The following PLCG2 variants were observed in gnomAD, a reference collection of about 807,000 sequenced individuals.
PLCG2 encodes phospholipase C gamma 2.
In PLCG2, 69 loss-of-function variants were observed where a neutral mutation model predicts 175.6. The ratio of observed to expected loss-of-function variants is 0.39; its 90% CI spans 0.32 to 0.48. PLCG2 has a LOEUF of 0.48. Ranked by LOEUF, PLCG2 falls within the 20% of genes least tolerant of loss-of-function variation. The pLI is 0.91. For missense variants in PLCG2, 1,798 were observed against 1,650.9 expected (o/e 1.09, Z -1.54); for synonymous variants, 827 against 624.0 (o/e 1.33, Z -4.85).
chr16:81,909,175 G>A (rs1410362306), intron 17 of PLCG2, among the ~76,000 whole-genome samples: 5 of 152,220 alleles, frequency 3.3e-5, no homozygotes, highest in African/African-American at 7.2e-5. Context: ...GGACACTAGC[G>A]TCTTTTGAAG....
intron 2 of PLCG2, among the ~76,000 whole-genome samples, chr16:81,850,721 C>G (rs1007315943): frequency 6.6e-6 from 1 of 152,142 alleles, no homozygotes; most frequent in Admixed American, 6.5e-5. Context: ...ACTTCTGGCA[C>G]CTGCACAGTG....
At chr16:81,836,103 C>G (rs1905502356) in intron 2 of PLCG2, among the ~76,000 whole-genome samples, 1 of 152,170 alleles carries the variant, frequency 6.6e-6, no homozygotes. Context: ...TACTTTCTTT[C>G]CAGGGCCACC....
intron 2 of PLCG2, among the ~76,000 whole-genome samples, chr16:81,843,112 G>A (rs1365301243): frequency 6.6e-6 from 1 of 152,076 alleles, no homozygotes; most frequent in Non-Finnish European, 1.5e-5. Flanking sequence ...CAGGAAACTC[G>A]GCCACTGAGC....
chr16:81,877,941 C>T (rs377602975), intron 7 of PLCG2, among the ~76,000 whole-genome samples: 5 of 144,030 alleles, frequency 3.5e-5, no homozygotes, highest in African/African-American at 1.3e-4. Flanking sequence ...CTGTGTGCTT[C>T]TCTGTCTCCA....
At chr16:81,782,509 G>A (rs990129950) in intron 1 of PLCG2, among the ~76,000 whole-genome samples, 3 of 152,210 alleles carry the variant, frequency 2.0e-5, no homozygotes, top group Admixed American at 1.3e-4. Context: ...ATAAAGCGTG[G>A]AACGCTGGAG....
intron 2 of PLCG2, among the ~76,000 whole-genome samples, chr16:81,805,122 C>G (rs981672672): frequency 2.6e-5 from 4 of 152,100 alleles, no homozygotes; most frequent in East Asian, 1.9e-4. Flanking sequence ...AAGAGGTTAA[C>G]AAGACAAGCC....
chr16:81,778,028 A>C (rs1384692815), upstream of PLCG2, among the ~76,000 whole-genome samples: 3 of 63,658 alleles, frequency 4.7e-5, no homozygotes, highest in African/African-American at 2.5e-4. Context: ...AAAAAAAAAA[A>C]AAACAAAAAA....
intron 2 of PLCG2, among the ~76,000 whole-genome samples, chr16:81,757,768 T>C (rs1006471665): frequency 6.6e-6 from 1 of 151,982 alleles, no homozygotes; most frequent in Non-Finnish European, 1.5e-5. Context: ...TTTGAAACTT[T>C]TCATCACCCC....
At chr16:81,955,519 T>C (rs1388286154) in intron 31 of PLCG2, among the ~76,000 whole-genome samples, 1 of 152,168 alleles carries the variant, frequency 6.6e-6, no homozygotes, top group Non-Finnish European at 1.5e-5. Context: ...TGTCTTTTTT[T>C]CTCCCCTAGC....
intron 2 of PLCG2, among the ~76,000 whole-genome samples, chr16:81,830,194 T>C (rs36085277): frequency 0.43 from 64,572 of 151,434 alleles, 15,636 homozygotes; most frequent in African/African-American, 0.68. Flanking sequence ...TTGGCACGCA[T>C]CTGTGGTCCC....
intron 1 of PLCG2, among the ~76,000 whole-genome samples, chr16:81,741,976 C>T (rs1030083322): frequency 1.8e-4 from 27 of 152,130 alleles, no homozygotes; most frequent in African/African-American, 6.5e-4. Flanking sequence ...CGCCAGAGCG[C>T]GTTCCTCCTA....
chr16:81,855,449 G>A (rs1375368025), intron 3 of PLCG2, among the ~76,000 whole-genome samples: 1 of 152,190 alleles, frequency 6.6e-6, no homozygotes, highest in Non-Finnish European at 1.5e-5. Flanking sequence ...AGTGGGTGAG[G>A]CAGCTGTCAA....
chr16:81,858,273 A>G lies in PLCG2; in HGVS notation c.348A>G (p.Lys116=). 6.2e-7 allele frequency: 1 copy of G among 1,612,244 alleles called. No individual in the cohort carries two copies. The highest frequency in any genetic ancestry group is 1.1e-5 in the South Asian group (1 of 91,032). ...LSTLSLAADS[K]EDAVNWLSGL... The stretch of plus-strand genomic sequence containing the variant: ...CTTTCTCCACTCCAGCTGACTCTAA[A>G]GAGGATGCAGTTAACTGGCTCTCTG... Residue 116 remains lysine (K), a synonymous_variant, in exon 4 of 33, where the codon AAA becomes AAG. Coordinates refer to ENST00000564138, the MANE Select transcript of PLCG2 (RefSeq NM_002661.5).
Position 81,900,578 on chromosome 16 carries a change from C to T in PLCG2, c.1194-34C>T, listed in dbSNP as rs370681577. 7.2e-5 allele frequency: 112 copies of T among 1,558,462 alleles called. No homozygotes were observed. The Middle Eastern group carries it at 8.0e-4, about 11-fold the overall frequency. ...GGGCAGATGCAGAGGTGTGTGCTCC[C>T]CCTGCCGAGCTGCCCACCCTCTTCT... On this transcript the variant is annotated intron_variant, in intron 13 of 32. Coordinates refer to ENST00000564138, the MANE Select transcript of PLCG2 (RefSeq NM_002661.5).
intron 2 of PLCG2, among the ~76,000 whole-genome samples, chr16:81,823,094 G>A (rs934642184): frequency 2.6e-5 from 4 of 152,264 alleles, no homozygotes; most frequent in African/African-American, 9.6e-5. Context: ...TATAAAGCAG[G>A]CGAGGCCTAT....
At chr16:81,810,825 C>G (rs903853179) in intron 2 of PLCG2, among the ~76,000 whole-genome samples, 2 of 152,078 alleles carry the variant, frequency 1.3e-5, no homozygotes, top group African/African-American at 4.8e-5. Context: ...ATTTCATCGA[C>G]CTTATTGTTT....
intron 2 of PLCG2, among the ~76,000 whole-genome samples, chr16:81,822,847 G>C (rs1417462470): frequency 6.6e-6 from 1 of 151,214 alleles, no homozygotes; most frequent in Non-Finnish European, 1.5e-5. Flanking sequence ...AGGTTGGAAT[G>C]ATGTGCTTCA....
chr16:81,886,556 G>A (rs1489872528), intron 9 of PLCG2, among the ~76,000 whole-genome samples: 2 of 152,224 alleles, frequency 1.3e-5, no homozygotes, highest in Non-Finnish European at 2.9e-5. Context: ...AAACTTGGAA[G>A]TAATCTAAAT....
intron 2 of PLCG2, among the ~76,000 whole-genome samples, chr16:81,792,022 A>G (rs1408644743): frequency 6.6e-6 from 1 of 152,202 alleles, no homozygotes; most frequent in Admixed American, 6.5e-5. Context: ...AAGGAAAGGA[A>G]ATTTCTCTCT....
Sources: allele counts gnomAD v4.1 joint callset (sites outside exome capture counted in the v4.1 genomes callset), GRCh38; gene constraint gnomAD v4.1.1; transcripts MANE v1.5; gene names NCBI Gene and HGNC (gene_info 2026-07-23, HGNC 2026-07-21).